The following USP47 variants were observed in gnomAD, a reference collection of about 807,000 sequenced individuals.
The protein encoded by USP47 is ubiquitin specific peptidase 47.
Under a neutral mutation model 165.1 loss-of-function variants are expected in USP47, and 35 were observed. The observed-to-expected ratio is 0.21, with a 90% confidence interval of 0.16 to 0.28. The LOEUF (loss-of-function observed/expected upper bound fraction) is 0.28. Ranked by LOEUF, USP47 falls within the 10% of genes least tolerant of loss-of-function variation. USP47 has a pLI of 1.00. For missense variants in USP47, 1,277 were observed against 1,607.4 expected (o/e 0.79, Z 3.52); for synonymous variants, 531 against 544.5 (o/e 0.98, Z 0.35).
chr11:11,877,827 G>C (rs868693018), intron 1 of USP47, among the ~76,000 whole-genome samples: 1,492 of 76,244 alleles, frequency 0.02, 36 homozygotes, highest in African/African-American at 0.062. Flanking sequence ...GTGTGTGTGT[G>C]TGTGTGTGTG....
At chr11:11,929,686 C>A in intron 12 of USP47, 121 bp downstream of exon 12, 1 of 1,356,286 alleles carries the variant, frequency 7.4e-7, no homozygotes, top group Non-Finnish European at 9.9e-7. Context: ...AGACCCATAT[C>A]AAATCTGTCT....
intron 15 of USP47, among the ~76,000 whole-genome samples, chr11:11,933,465 A>G (rs1280662221): frequency 6.6e-6 from 1 of 152,148 alleles, no homozygotes; most frequent in Non-Finnish European, 1.5e-5. Context: ...CTCTTATGGA[A>G]TTACCTAAGG....
At chr11:11,849,472 T>C (rs545916367) in intron 1 of USP47, among the ~76,000 whole-genome samples, 4 of 152,254 alleles carry the variant, frequency 2.6e-5, no homozygotes, top group South Asian at 2.1e-4. Context: ...CAAGACAGCC[T>C]CCTGTAACAA....
chr11:11,869,027 T>C (rs902860296), intron 1 of USP47, among the ~76,000 whole-genome samples: 8 of 152,128 alleles, frequency 5.3e-5, no homozygotes, highest in African/African-American at 1.9e-4. Context: ...ATACTAATCC[T>C]TTGTTGATTA....
At chr11:11,948,261 T>C (rs1855980730) in intron 21 of USP47, 141 bp downstream of exon 21, 7 of 1,059,058 alleles carry the variant, frequency 6.6e-6, no homozygotes, top group South Asian at 1.8e-5. Context: ...TGGGGGGTTT[T>C]TTGTTGTTAT....
chr11:11,867,461 G>C (rs1849756712), intron 1 of USP47, among the ~76,000 whole-genome samples: 1 of 152,074 alleles, frequency 6.6e-6, no homozygotes. Context: ...CTTATATAGA[G>C]TTCATTAATT....
intron 11 of USP47, among the ~76,000 whole-genome samples, chr11:11,928,988 A>G (rs993224207): frequency 1.3e-5 from 2 of 152,038 alleles, no homozygotes; most frequent in African/African-American, 4.8e-5. Flanking sequence ...TAATGCATAA[A>G]TACATTAGAA....
intron 1 of USP47, among the ~76,000 whole-genome samples, chr11:11,866,768 C>T (rs577410622): frequency 3.9e-5 from 6 of 152,110 alleles, no homozygotes; most frequent in Non-Finnish European, 7.4e-5. Flanking sequence ...TCTCTCACAA[C>T]AATGAAAGTA....
intron 1 of USP47, among the ~76,000 whole-genome samples, chr11:11,862,118 GTAAA>G (rs764458803): frequency 2.6e-5 from 4 of 151,142 alleles, no homozygotes; most frequent in Non-Finnish European, 5.9e-5. Context: ...CACTTAAGTA[GTAAA>G]AGCCCTTATT....
chr11:11,844,196 C>T (rs2134101684), intron 1 of USP47, among the ~76,000 whole-genome samples: 1 of 152,068 alleles, frequency 6.6e-6, no homozygotes, highest in African/African-American at 2.4e-5. Context: ...TTCTGCTGTT[C>T]GAATTCTCTG....
At chr11:11,912,259 G>A (rs974966200) in intron 8 of USP47, among the ~76,000 whole-genome samples, 4 of 151,864 alleles carry the variant, frequency 2.6e-5, no homozygotes, top group Admixed American at 2.6e-4. Context: ...GAAAACAGTA[G>A]AGGAAGTCAA....
At chr11:11,919,768 T>G (rs1853693527) in intron 8 of USP47, among the ~76,000 whole-genome samples, 1 of 151,888 alleles carries the variant, frequency 6.6e-6, no homozygotes, top group African/African-American at 2.4e-5. Flanking sequence ...CTGTACAGTT[T>G]TAAATGCTTC....
At chr11:11,922,997 T>C in intron 11 of USP47, 106 bp downstream of exon 11, 1 of 934,708 alleles carries the variant, frequency 1.1e-6, no homozygotes, top group Non-Finnish European at 1.5e-6. Flanking sequence ...TAAAAGAAAC[T>C]TAATTTTTGA....
intron 27 of USP47, 146 bp downstream of exon 27, chr11:11,955,310 A>G (rs1008029626): frequency 9.5e-7 from 1 of 1,054,720 alleles, no homozygotes; most frequent in East Asian, 2.8e-5. Flanking sequence ...CATGATTATA[A>G]TTTGAAGTTT....
intron 11 of USP47, among the ~76,000 whole-genome samples, chr11:11,928,221 A>G (rs528977282): frequency 3.4e-4 from 52 of 152,156 alleles, no homozygotes; most frequent in Non-Finnish European, 3.4e-4. Context: ...TACTACATTC[A>G]AAGCATTTTA....
At chr11:11,910,235 A>G (rs1262018920) in intron 8 of USP47, among the ~76,000 whole-genome samples, 1 of 152,200 alleles carries the variant, frequency 6.6e-6, no homozygotes, top group Non-Finnish European at 1.5e-5. Flanking sequence ...CATACACACT[A>G]GGGACCTCAG....
chr11:11,857,360 T>C (rs1166731936), intron 1 of USP47, among the ~76,000 whole-genome samples: 1 of 152,156 alleles, frequency 6.6e-6, no homozygotes, highest in Non-Finnish European at 1.5e-5. Flanking sequence ...AGAGAATTGG[T>C]GAAAAATTAT....
chr11:11,886,425 C>T (rs1172226478), intron 3 of USP47, among the ~76,000 whole-genome samples: 2 of 152,152 alleles, frequency 1.3e-5, no homozygotes, highest in Admixed American at 6.5e-5. Flanking sequence ...GAAAAATACA[C>T]TACAAGAACT....
intron 1 of USP47, among the ~76,000 whole-genome samples, 173 bp downstream of exon 1, chr11:11,842,397 C>T (rs1423494734): frequency 6.6e-6 from 1 of 151,904 alleles, no homozygotes; most frequent in Non-Finnish European, 1.5e-5. Context: ...GTTGGGAGAC[C>T]CGCTGGCTCT....
Sources: allele counts gnomAD v4.1 joint callset (sites outside exome capture counted in the v4.1 genomes callset), GRCh38; gene constraint gnomAD v4.1.1; transcripts MANE v1.5; gene names NCBI Gene and HGNC (gene_info 2026-07-23, HGNC 2026-07-21).